GDAP1: variants seen among roughly 807,000 people sequenced by gnomAD.
GDAP1 encodes the protein ganglioside induced differentiation associated protein 1.
GDAP1 carries 34 observed loss-of-function variants against 40.1 expected under a neutral mutation model. That is an observed-to-expected ratio of 0.85 (90% confidence interval 0.64 to 1.13). The LOEUF is 1.13. Ranked by LOEUF, GDAP1 falls within the 50% of genes most tolerant of loss-of-function variation. GDAP1 has a pLI of 0.00. For synonymous variants in GDAP1, 170 were observed against 157.4 expected (o/e 1.08, Z -0.60); for missense variants, 374 against 433.7 (o/e 0.86, Z 1.22).
chr8:74,417,757 C>CAAAAAAAAAA (rs71269993), intron 2 of GDAP1, among the ~76,000 whole-genome samples: 1 of 75,938 alleles, frequency 1.3e-5, no homozygotes, highest in African/African-American at 5.8e-5. Flanking sequence ...AACTCCATCT[C>CAAAAAAAAAA]AAAAAAAAAA....
chr8:74,357,998 A>G (rs1262883026), intron 2 of GDAP1, among the ~76,000 whole-genome samples: 1 of 152,180 alleles, frequency 6.6e-6, no homozygotes, highest in African/African-American at 2.4e-5. Context: ...CTTCAGTGTG[A>G]GGATGGCAGC....
At chr8:74,482,724 G>A (rs925535051) in intron 2 of GDAP1, among the ~76,000 whole-genome samples, 1 of 152,152 alleles carries the variant, frequency 6.6e-6, no homozygotes, top group Non-Finnish European at 1.5e-5. Context: ...AAGTGAGAAA[G>A]GCACACTTAC....
chr8:74,400,327 T>C (rs1810302827), intron 2 of GDAP1, among the ~76,000 whole-genome samples: 1 of 149,982 alleles, frequency 6.7e-6, no homozygotes, highest in African/African-American at 2.5e-5. Flanking sequence ...TCTCTTTCGA[T>C]CTTTGTTGGA....
At chr8:74,428,014 A>G (rs544269778) in intron 2 of GDAP1, among the ~76,000 whole-genome samples, 9 of 152,334 alleles carry the variant, frequency 5.9e-5, no homozygotes, top group Middle Eastern at 3.4e-3. Flanking sequence ...GCTGCCTTCT[A>G]AATCCCCAGA....
chr8:74,375,457 A>G lies in GDAP1; in HGVS notation c.165+24136A>G, dbSNP rs956849250. On this transcript the variant is annotated intron_variant, in intron 2 of 2. Transcript: ENST00000523640. ...ACATTATAGCCAGTAGAGTTCATAT[A>G]ATGGTTGCAAACTTGGCTTAATGTT... Among the ~76,000 whole-genome samples, 3 of 152,366 alleles carry G rather than the reference A, an allele frequency of 2.0e-5. No homozygotes were observed. In the East Asian group the frequency reaches 5.8e-4, roughly 29 times the overall value.
At chr8:74,427,112 A>G (rs1023011392) in intron 2 of GDAP1, among the ~76,000 whole-genome samples, 5 of 152,218 alleles carry the variant, frequency 3.3e-5, no homozygotes, top group Non-Finnish European at 7.3e-5. Context: ...ATGCTTGTAC[A>G]AAAGGCTTTT....
chr8:74,422,030 A>C (rs1422214884), intron 2 of GDAP1, among the ~76,000 whole-genome samples: 1 of 152,132 alleles, frequency 6.6e-6, no homozygotes. Context: ...AAAGGGTAGA[A>C]TCCATTTAAG....
intron 2 of GDAP1, among the ~76,000 whole-genome samples, chr8:74,479,048 C>G (rs1018613610): frequency 6.6e-6 from 1 of 152,136 alleles, no homozygotes; most frequent in Non-Finnish European, 1.5e-5. Flanking sequence ...ATGTCGTGGT[C>G]CCTTAGTGGA....
rs182075571 is a variant in GDAP1 at position 74,355,876 on chromosome 8, C to A, written c.311-4261C>A. 9.1e-3 allele frequency among the ~76,000 whole-genome samples: 1,383 copies of A among 151,914 alleles called. 29 individuals carry two copies. Among genetic ancestry groups the A allele is most frequent in the African/African-American group, 0.032 (1,324 of 41,454 alleles). On this transcript the variant is annotated intron_variant, in intron 2 of 5. Transcript: ENST00000220822. ...GAATTTAGTTTGGAAATAAACTATT[C>A]TAGTATGATATTAAAATCACGTAAA... is the stretch of plus-strand genomic sequence containing the variant.
chr8:74,466,289 G>C (rs1806468883), intron 2 of GDAP1, among the ~76,000 whole-genome samples: 1 of 152,188 alleles, frequency 6.6e-6, no homozygotes, highest in Admixed American at 6.5e-5. Context: ...GGGCCCCAGG[G>C]TTCCTTGGAA....
At chr8:74,459,373 T>C (rs1458959957) in intron 2 of GDAP1, among the ~76,000 whole-genome samples, 2 of 152,192 alleles carry the variant, frequency 1.3e-5, no homozygotes, top group South Asian at 2.1e-4. Flanking sequence ...TCTCTCAATC[T>C]TGAGTGTGCA....
At chr8:74,472,758 T>TCTTTTCTTTC in intron 2 of GDAP1, among the ~76,000 whole-genome samples, 1 of 136,354 alleles carries the variant, frequency 7.3e-6, no homozygotes, top group African/African-American at 2.7e-5. Context: ...TCTTTTCTTT[T>TCTTTTCTTTC]CTTTTTTGAG....
Position 74,364,057 on chromosome 8 carries a change from A to G in GDAP1, c.767A>G (p.His256Arg), listed in dbSNP as rs1476856429. The G allele has an allele frequency of 3.7e-6, 6 of 1,614,004 alleles. No homozygotes were observed. In the East Asian group the frequency reaches 1.1e-4, roughly 30 times the overall value. ...GACGTCTCACTCGCTGTCACATTGC[A>G]TCGACTGAAGTTCCTGGGGTTTGCA... ...LADVSLAVTLHRLKFLGFARR... is the reference protein window; with the variant it reads ...LADVSLAVTLRRLKFLGFARR... Residue 256 changes from histidine (H) to arginine (R), a missense_variant, in exon 6 of 6, where the codon CAT becomes CGT. His to Arg is a conservative substitution (Grantham distance 29). Transcript: ENST00000220822.
chr8:74,367,120 C>T (rs967579452), downstream of GDAP1: 2 of 172,148 alleles, frequency 1.2e-5, no homozygotes, highest in African/African-American at 5.5e-5. Flanking sequence ...AAAAGAATAA[C>T]ATTGATGCTG....
At chr8:74,419,396 T>A (rs560615461) in intron 2 of GDAP1, among the ~76,000 whole-genome samples, 1 of 152,284 alleles carries the variant, frequency 6.6e-6, no homozygotes, top group South Asian at 2.1e-4. Flanking sequence ...TCAAAGGCAT[T>A]CAGAGTAAGA....
intron 2 of GDAP1, among the ~76,000 whole-genome samples, chr8:74,396,809 T>A (rs1435832120): frequency 1.3e-5 from 2 of 152,218 alleles, no homozygotes; most frequent in Non-Finnish European, 2.9e-5. Flanking sequence ...AGTGCCGCAA[T>A]AAACATATGT....
intron 2 of GDAP1, among the ~76,000 whole-genome samples, chr8:74,449,878 G>A (rs117943782): frequency 6.6e-6 from 1 of 151,836 alleles, no homozygotes; most frequent in African/African-American, 2.4e-5. Flanking sequence ...TAATAAATGA[G>A]TGTTAAATGG....
chr8:74,473,093 T>C (rs1806580847), intron 2 of GDAP1, among the ~76,000 whole-genome samples: 1 of 152,026 alleles, frequency 6.6e-6, no homozygotes, highest in Admixed American at 6.6e-5. Flanking sequence ...ATTTTTTTTT[T>C]TTTTGAAAAG....
At chr8:74,412,344 T>C (rs1805725444) in intron 2 of GDAP1, among the ~76,000 whole-genome samples, 1 of 150,216 alleles carries the variant, frequency 6.7e-6, no homozygotes. Context: ...AAAGTCAAGC[T>C]GAAGTTCCAG....
Sources: gnomAD v4.1 joint callset for allele counts (sites outside exome capture counted in the v4.1 genomes callset) on GRCh38, gnomAD v4.1.1 for gene constraint, MANE v1.5 for transcripts, NCBI Gene and HGNC (gene_info 2026-07-23, HGNC 2026-07-21) for gene names.